SOX6: variants seen among roughly 807,000 people sequenced by gnomAD.
The protein encoded by SOX6 is SRY-box transcription factor 6.
SOX6 carries 11 observed loss-of-function variants against 97.8 expected under a neutral mutation model. The ratio of observed to expected loss-of-function variants is 0.11; its 90% CI spans 0.07 to 0.19. The LOEUF (loss-of-function observed/expected upper bound fraction) is 0.19. SOX6 is among the 10% of genes least tolerant of loss of function. The pLI is 1.00. For synonymous variants in SOX6, 360 were observed against 371.4 expected (o/e 0.97, Z 0.35); for missense variants, 810 against 1,039.5 (o/e 0.78, Z 3.04).
intron 4 of SOX6, among the ~76,000 whole-genome samples, chr11:16,507,279 C>T (rs1327244120): frequency 6.6e-6 from 1 of 151,942 alleles, no homozygotes; most frequent in African/African-American, 2.4e-5. Context: ...GTAGATTTCC[C>T]AATTTCAGGT....
At position 16,275,757 on chromosome 11, in the gene SOX6, T is replaced by C. The variant is rs541388806; in HGVS notation, c.446-41086A>G. On this transcript the variant is annotated intron_variant, in intron 3 of 15. Coordinates refer to ENST00000683767, the MANE Select transcript of SOX6 (RefSeq NM_001367873.1). ...GAAACCATATATGCATTTGTTTTCT[T>C]GGAAAACTTATCTAGCTTTTTGTTA... Among the ~76,000 whole-genome samples the C allele has an allele frequency of 2.6e-5, 4 of 152,304 alleles. No homozygotes were observed. The South Asian group carries it at 8.3e-4, about 32-fold the overall frequency.
chr11:16,652,687 C>CTTA (rs1346098473), intron 3 of SOX6, among the ~76,000 whole-genome samples: 1 of 152,082 alleles, frequency 6.6e-6, no homozygotes, highest in Admixed American at 6.6e-5. Context: ...TAAAACTCTT[C>CTTA]TAGACATTGA....
intron 4 of SOX6, among the ~76,000 whole-genome samples, chr11:16,583,612 T>TACATATATATATATATATACACACACAC (rs1565186373): frequency 2.0e-4 from 9 of 43,944 alleles, no homozygotes; most frequent in African/African-American, 8.9e-4. Context: ...TGTATATATA[T>TACATATATATATATATATACACACACAC]ACATATATAT....
rs148837660 is a variant in SOX6, at chr11:16,399,855, T to C, written c.-4-58603A>G. ...ACTTTATCCAACATTGCCCTAAGAT[T>C]CAATCAAGTGCCATGATTTGATTTA... On this transcript the variant is annotated intron_variant, in intron 1 of 15. Coordinates refer to the SOX6 transcript ENST00000396356. Among the ~76,000 whole-genome samples, 101 of 151,520 alleles carry C rather than the reference T, an allele frequency of 6.7e-4. 1 individual carries two copies. Among genetic ancestry groups the C allele is most frequent in the African/African-American group, 2.3e-3 (95 of 41,452 alleles).
intron 3 of SOX6, among the ~76,000 whole-genome samples, chr11:16,650,666 A>T (rs537574828): frequency 6.6e-6 from 1 of 152,258 alleles, no homozygotes; most frequent in South Asian, 2.1e-4. Context: ...TGCCTACATC[A>T]AAAAGTCTGA....
chr11:16,187,069 A>G (rs1851499236), intron 4 of SOX6, 114 bp from the exon 5 acceptor site: 1 of 1,172,980 alleles, frequency 8.5e-7, no homozygotes, highest in Admixed American at 1.7e-5. Flanking sequence ...GATCTGGGAC[A>G]ATGACTGGAG....
At chr11:16,086,681 C>CA (rs534027821) in intron 9 of SOX6, among the ~76,000 whole-genome samples, 237 of 152,022 alleles carry the variant, frequency 1.6e-3, no homozygotes, top group African/African-American at 5.4e-3. Flanking sequence ...CAGAAACTCT[C>CA]AAAAAAACAG....
At chr11:16,272,622 G>T (rs7109206) in intron 3 of SOX6, among the ~76,000 whole-genome samples, 1 of 151,640 alleles carries the variant, frequency 6.6e-6, no homozygotes, top group Admixed American at 6.6e-5. Context: ...TTATAGATAT[G>T]AGAAAATAAG....
At chr11:16,269,356 C>T (rs1032554726) in intron 3 of SOX6, among the ~76,000 whole-genome samples, 1 of 150,710 alleles carries the variant, frequency 6.6e-6, no homozygotes, top group African/African-American at 2.4e-5. Flanking sequence ...TCTCATACCC[C>T]CTGCATTTGT....
chr11:16,373,099 G>A (rs1857535475), intron 1 of SOX6, among the ~76,000 whole-genome samples: 2 of 152,012 alleles, frequency 1.3e-5, no homozygotes, highest in Non-Finnish European at 2.9e-5. Context: ...CTAATAGTGT[G>A]TTAGTATATG....
At chr11:16,081,522 C>T (rs556948366) in intron 9 of SOX6, among the ~76,000 whole-genome samples, 2 of 152,226 alleles carry the variant, frequency 1.3e-5, no homozygotes, top group East Asian at 3.9e-4. Context: ...ACTCTCATTA[C>T]ATGATGTAAA....
At chr11:16,486,828 A>G (rs1190343049) in intron 4 of SOX6, among the ~76,000 whole-genome samples, 1 of 152,180 alleles carries the variant, frequency 6.6e-6, no homozygotes, top group Non-Finnish European at 1.5e-5. Context: ...GGCCTGGGTG[A>G]CAGAGCGAGA....
chr11:15,983,489 G>T (rs1241519743), intron 15 of SOX6, among the ~76,000 whole-genome samples: 2 of 151,988 alleles, frequency 1.3e-5, no homozygotes, highest in Non-Finnish European at 1.5e-5. Context: ...TATAAAAATT[G>T]ATCTGAACCC....
At chr11:16,696,197 T>A (rs974225485) in intron 3 of SOX6, among the ~76,000 whole-genome samples, 2 of 152,232 alleles carry the variant, frequency 1.3e-5, no homozygotes, top group African/African-American at 2.4e-5. Context: ...TAAATGTAAC[T>A]CTAACCACAA....
At chr11:16,719,322 T>G (rs1848241783) in intron 2 of SOX6, among the ~76,000 whole-genome samples, 1 of 152,194 alleles carries the variant, frequency 6.6e-6, no homozygotes, top group African/African-American at 2.4e-5. Flanking sequence ...TTCAGATGTA[T>G]AAAATTTAAC....
chr11:16,449,715 C>G (rs796147536), intron 1 of SOX6, among the ~76,000 whole-genome samples: 1 of 152,124 alleles, frequency 6.6e-6, no homozygotes, highest in Non-Finnish European at 1.5e-5. Flanking sequence ...GACAGGATAC[C>G]CAGTTACTTT....
chr11:16,538,232 A>G (rs1861340154), intron 4 of SOX6, among the ~76,000 whole-genome samples: 2 of 152,234 alleles, frequency 1.3e-5, no homozygotes, highest in Admixed American at 1.3e-4. Context: ...ACTAAGCTTC[A>G]AAAGTGAAGG....
chr11:16,024,629 C>T (rs1467545981), intron 12 of SOX6, among the ~76,000 whole-genome samples: 1 of 151,792 alleles, frequency 6.6e-6, no homozygotes. Context: ...AATCTCAATG[C>T]TATAAGCTGT....
chr11:16,221,929 G>A (rs1165270485), intron 4 of SOX6, among the ~76,000 whole-genome samples: 5 of 152,098 alleles, frequency 3.3e-5, no homozygotes, highest in Non-Finnish European at 7.4e-5. Flanking sequence ...CATTGATAGG[G>A]TTTCAGATCC....
Sources: gnomAD v4.1 joint callset for allele counts (sites outside exome capture counted in the v4.1 genomes callset) on GRCh38, gnomAD v4.1.1 for gene constraint, MANE v1.5 for transcripts, NCBI Gene and HGNC (gene_info 2026-07-23, HGNC 2026-07-21) for gene names.